SASH1: variants seen among roughly 807,000 people sequenced by gnomAD.
The protein encoded by SASH1 is SAM and SH3 domain containing 1.
Under a neutral mutation model 125.2 loss-of-function variants are expected in SASH1, and 44 were observed. That is an observed-to-expected ratio of 0.35 (90% CI 0.28 to 0.45). The LOEUF is 0.45. SASH1 is among the 20% of genes least tolerant of loss of function. The pLI, the probability that SASH1 is intolerant of heterozygous loss-of-function variation, is 1.00. For missense variants in SASH1, 1,426 were observed against 1,614.5 expected (o/e 0.88, Z 2.00); for synonymous variants, 639 against 649.1 (o/e 0.98, Z 0.24).
intron 1 of SASH1, among the ~76,000 whole-genome samples, chr6:148,388,568 G>T (rs950279243): frequency 6.6e-6 from 1 of 152,240 alleles, no homozygotes. Context: ...CATGTTATTG[G>T]TGGGGAAGCA....
At chr6:148,310,151 G>A (rs550378960) in intron 1 of SASH1, among the ~76,000 whole-genome samples, 4 of 151,992 alleles carry the variant, frequency 2.6e-5, no homozygotes, top group African/African-American at 2.4e-5. Flanking sequence ...GTGAAACCCC[G>A]TTTCTACTAA....
upstream of SASH1, among the ~76,000 whole-genome samples, chr6:148,271,910 C>T (rs192006478): frequency 4.5e-4 from 69 of 152,266 alleles, no homozygotes; most frequent in African/African-American, 1.6e-3. Flanking sequence ...ATGAGCCAAA[C>T]ACCGTGCTGA....
chr6:148,242,131 G>C, the SASH1 span, among the ~76,000 whole-genome samples: 1 of 152,186 alleles, frequency 6.6e-6, no homozygotes, highest in Non-Finnish European at 1.5e-5. Flanking sequence ...ATTAACTGTA[G>C]TCAACCAGTC....
the SASH1 span, among the ~76,000 whole-genome samples, chr6:148,205,845 A>T: frequency 1.3e-5 from 2 of 152,110 alleles, no homozygotes; most frequent in Non-Finnish European, 2.9e-5. Flanking sequence ...TTGCTCTCTG[A>T]TTGTACTGAT....
the SASH1 span, among the ~76,000 whole-genome samples, chr6:148,258,505 T>G: frequency 6.6e-6 from 1 of 152,278 alleles, no homozygotes; most frequent in African/African-American, 2.4e-5. Context: ...TGCCCAAAGC[T>G]GCAGAGGTAA....
intron 2 of SASH1, among the ~76,000 whole-genome samples, chr6:148,411,198 G>A (rs1346377103): frequency 7.7e-5 from 8 of 103,902 alleles, no homozygotes; most frequent in African/African-American, 2.6e-4. Context: ...AAAAAAAAAG[G>A]CCTTCCAGGT....
At chr6:148,197,269 T>C in the SASH1 span, among the ~76,000 whole-genome samples, 1 of 152,160 alleles carries the variant, frequency 6.6e-6, no homozygotes, top group Non-Finnish European at 1.5e-5. Context: ...GAGAAAAACA[T>C]ATCTTTAAGG....
chr6:148,322,889 C>CT (rs879462931), intron 1 of SASH1, among the ~76,000 whole-genome samples: 11,909 of 109,992 alleles, frequency 0.11, 1,166 homozygotes, highest in Admixed American at 0.14. Context: ...CTTTCTTTTT[C>CT]TTCTTTCTTT....
At chr6:148,504,085 T>C (rs1779669957) in intron 8 of SASH1, among the ~76,000 whole-genome samples, 1 of 152,216 alleles carries the variant, frequency 6.6e-6, no homozygotes, top group Admixed American at 6.5e-5. Flanking sequence ...GTGAAGTCCT[T>C]GGATAAAGTA....
chr6:148,437,142 T>C (rs1776325573), intron 2 of SASH1, among the ~76,000 whole-genome samples: 1 of 152,236 alleles, frequency 6.6e-6, no homozygotes, highest in Non-Finnish European at 1.5e-5. Flanking sequence ...TCTGCTCTTT[T>C]GTCATTGACA....
At chr6:148,486,242 T>A (rs1253986557) in intron 7 of SASH1, among the ~76,000 whole-genome samples, 2 of 152,132 alleles carry the variant, frequency 1.3e-5, no homozygotes, top group Non-Finnish European at 2.9e-5. Context: ...TGCCTCAGCC[T>A]CCTGAGTAGC....
chr6:148,220,310 G>A, the SASH1 span, among the ~76,000 whole-genome samples: 1 of 152,136 alleles, frequency 6.6e-6, no homozygotes, highest in Non-Finnish European at 1.5e-5. Flanking sequence ...GATGAACGCT[G>A]TGTGCTCACA....
At chr6:148,450,342 C>T (rs184201201) in intron 4 of SASH1, among the ~76,000 whole-genome samples, 1 of 152,256 alleles carries the variant, frequency 6.6e-6, no homozygotes, top group Admixed American at 6.5e-5. Context: ...CTTTATTGCT[C>T]AGTCTCCCCA....
At chr6:148,517,907 G>C (rs981280802) in intron 9 of SASH1, among the ~76,000 whole-genome samples, 2 of 152,128 alleles carry the variant, frequency 1.3e-5, no homozygotes, top group Non-Finnish European at 2.9e-5. Context: ...GGTGGAGAAG[G>C]GCCTTTGTAC....
chr6:148,276,676 A>G (rs1356674155), intron 1 of SASH1, among the ~76,000 whole-genome samples: 1 of 152,186 alleles, frequency 6.6e-6, no homozygotes, highest in Non-Finnish European at 1.5e-5. Flanking sequence ...GGGAAATTGC[A>G]CTTCCAGGAT....
rs916695268 is a variant in SASH1 at position 148,342,993 on chromosome 6, G to A, written c.-75G>A. ...CGCCGCGGGCGGGGACCCGGCATCC[G>A]GGCAGGCTGCGCGCGGGTGCGGGGC... On this transcript the variant is annotated 5_prime_UTR_variant, in exon 1 of 20. Transcript: ENST00000367467. The A allele has an allele frequency of 2.1e-5, 22 of 1,064,446 alleles. No individual in the cohort carries two copies. In the South Asian group the frequency reaches 2.6e-4, roughly 13 times the overall value. 65.9% of individuals were successfully genotyped at this position (1,064,446 alleles called of 1,614,324 possible).
At chr6:148,451,536 G>A (rs1181101632) in intron 4 of SASH1, among the ~76,000 whole-genome samples, 1 of 152,012 alleles carries the variant, frequency 6.6e-6, no homozygotes, top group African/African-American at 2.4e-5. Flanking sequence ...GGTGAGATGC[G>A]CCTGTAGTCC....
intron 1 of SASH1, among the ~76,000 whole-genome samples, chr6:148,345,982 C>T (rs1423011561): frequency 6.6e-6 from 1 of 152,186 alleles, no homozygotes; most frequent in Non-Finnish European, 1.5e-5. Flanking sequence ...TTGAAGAGGA[C>T]AGTAGAGGTA....
chr6:148,258,650 GT>G, the SASH1 span, among the ~76,000 whole-genome samples: 3 of 152,142 alleles, frequency 2.0e-5, no homozygotes, highest in Non-Finnish European at 2.9e-5. Flanking sequence ...TAAGGCACAC[GT>G]ACAAAGAATG....
Sources: gnomAD v4.1 joint callset for allele counts (sites outside exome capture counted in the v4.1 genomes callset) on GRCh38, gnomAD v4.1.1 for gene constraint, MANE v1.5 for transcripts, NCBI Gene and HGNC (gene_info 2026-07-23, HGNC 2026-07-21) for gene names.